Variants in XYLT1 observed in about 807,000 individuals in gnomAD.
XYLT1 encodes the protein xylosyltransferase 1, also known as beta-D-xylosyltransferase 1.
A neutral mutation model predicts 91.3 loss-of-function variants in XYLT1; 36 were observed. That is an observed-to-expected ratio of 0.39 (90% CI 0.30 to 0.52). The LOEUF (loss-of-function observed/expected upper bound fraction) is 0.52. Ranked by LOEUF, XYLT1 falls within the 20% of genes least tolerant of loss-of-function variation. The pLI is 0.68. For synonymous variants in XYLT1, 588 were observed against 532.0 expected (o/e 1.11, Z -1.45); for missense variants, 1,242 against 1,284.5 (o/e 0.97, Z 0.51).
chr16:17,427,321 CAG>C (rs1206314753), intron 1 of XYLT1, among the ~76,000 whole-genome samples: 12 of 152,378 alleles, frequency 7.9e-5, no homozygotes, highest in Admixed American at 5.2e-4. Context: ...TTTTCTGAGA[CAG>C]AGTCTGGCTC....
intron 1 of XYLT1, among the ~76,000 whole-genome samples, chr16:17,363,583 A>G (rs2035410749): frequency 6.6e-6 from 1 of 152,200 alleles, no homozygotes; most frequent in Non-Finnish European, 1.5e-5. Context: ...TCTGTGGCCC[A>G]GACTGCAGTG....
At chr16:17,385,459 G>A (rs1464952360) in intron 1 of XYLT1, among the ~76,000 whole-genome samples, 1 of 151,716 alleles carries the variant, frequency 6.6e-6, no homozygotes, top group Non-Finnish European at 1.5e-5. Context: ...CTACTTGTCT[G>A]TTTCTGGCAC....
intron 6 of XYLT1, among the ~76,000 whole-genome samples, chr16:17,157,101 C>G (rs1215723486): frequency 1.3e-5 from 2 of 152,042 alleles, no homozygotes; most frequent in Non-Finnish European, 2.9e-5. Flanking sequence ...GTGTGCACCA[C>G]CACACCCGGC....
chr16:17,322,422 G>A (rs974192952), intron 2 of XYLT1, among the ~76,000 whole-genome samples: 3 of 152,108 alleles, frequency 2.0e-5, no homozygotes, highest in East Asian at 3.9e-4. Flanking sequence ...ATCCTGGGAC[G>A]CTGAGACAGA....
intron 2 of XYLT1, among the ~76,000 whole-genome samples, chr16:17,281,943 T>A (rs1567354972): frequency 6.6e-6 from 1 of 152,134 alleles, no homozygotes; most frequent in Non-Finnish European, 1.5e-5. Context: ...GTCACTCCCC[T>A]CCCTTCTCTC....
chr16:17,150,882 G>A (rs2031265260), intron 6 of XYLT1, among the ~76,000 whole-genome samples: 1 of 152,174 alleles, frequency 6.6e-6, no homozygotes, highest in African/African-American at 2.4e-5. Flanking sequence ...AGCTCAAAGA[G>A]AAGGAATCAG....
intron 1 of XYLT1, among the ~76,000 whole-genome samples, chr16:17,368,086 G>A (rs990279977): frequency 3.7e-4 from 56 of 152,210 alleles, no homozygotes; most frequent in African/African-American, 9.6e-4. Flanking sequence ...GCAGTGCTTC[G>A]CGTCTGGAAT....
At chr16:17,400,680 T>TGGAAGGAAGG (rs1567189634) in intron 1 of XYLT1, among the ~76,000 whole-genome samples, 1 of 131,336 alleles carries the variant, frequency 7.6e-6, no homozygotes, top group Non-Finnish European at 1.6e-5. Context: ...AGGAAGGAAC[T>TGGAAGGAAGG]AACTAACTTG....
At chr16:17,268,129 T>C (rs1320387339) in intron 2 of XYLT1, among the ~76,000 whole-genome samples, 1 of 152,174 alleles carries the variant, frequency 6.6e-6, no homozygotes, top group East Asian at 1.9e-4. Flanking sequence ...AGTGGAGTTT[T>C]CCAGAAACTC....
At chr16:17,328,548 C>CAAAAAAAAAAAAAAAA (rs71373105) in intron 2 of XYLT1, among the ~76,000 whole-genome samples, 1 of 51,182 alleles carries the variant, frequency 2.0e-5, no homozygotes, top group African/African-American at 4.5e-5. Context: ...GACTCCTTCT[C>CAAAAAAAAAAAAAAAA]AAAAAAAAAA....
At chr16:17,464,674 A>G (rs1305253455) in intron 1 of XYLT1, among the ~76,000 whole-genome samples, 1 of 152,172 alleles carries the variant, frequency 6.6e-6, no homozygotes, top group African/African-American at 2.4e-5. Flanking sequence ...ATCCATTTTT[A>G]AAACCACCTA....
chr16:17,344,306 C>A (rs1221864063), intron 2 of XYLT1, among the ~76,000 whole-genome samples: 1 of 150,798 alleles, frequency 6.6e-6, no homozygotes, highest in Non-Finnish European at 1.5e-5. Flanking sequence ...CACGGTGAAA[C>A]CCCGTCTCTA....
At chr16:17,412,544 T>TG (rs1201300346) in intron 1 of XYLT1, among the ~76,000 whole-genome samples, 1 of 57,856 alleles carries the variant, frequency 1.7e-5, no homozygotes, top group Admixed American at 2.5e-4. Flanking sequence ...AAGGATTGGG[T>TG]GGGGGGAGGG....
intron 2 of XYLT1, among the ~76,000 whole-genome samples, chr16:17,355,855 A>G (rs1336402471): frequency 6.6e-6 from 1 of 152,082 alleles, no homozygotes; most frequent in Non-Finnish European, 1.5e-5. Context: ...GATTACAGGC[A>G]CATACTACCA....
intron 5 of XYLT1, among the ~76,000 whole-genome samples, chr16:17,164,444 T>C (rs545042071): frequency 6.6e-6 from 1 of 152,322 alleles, no homozygotes; most frequent in East Asian, 1.9e-4. Context: ...TTCACATTGT[T>C]GTGCAACCAT....
intron 2 of XYLT1, among the ~76,000 whole-genome samples, chr16:17,271,820 T>C (rs1032226665): frequency 6.6e-6 from 1 of 152,174 alleles, no homozygotes; most frequent in Non-Finnish European, 1.5e-5. Flanking sequence ...GCTCAAATCC[T>C]GTTCCCATTC....
At chr16:17,233,860 A>G (rs569823166) in intron 3 of XYLT1, among the ~76,000 whole-genome samples, 6 of 152,222 alleles carry the variant, frequency 3.9e-5, no homozygotes, top group African/African-American at 1.4e-4. Flanking sequence ...TATAAATACC[A>G]CCAGTGTATG....
intron 6 of XYLT1, among the ~76,000 whole-genome samples, chr16:17,148,921 G>A (rs1205035703): frequency 6.6e-6 from 1 of 152,234 alleles, no homozygotes; most frequent in East Asian, 1.9e-4. Flanking sequence ...TCTACCTGAG[G>A]TCAAATATGA....
intron 1 of XYLT1, among the ~76,000 whole-genome samples, chr16:17,366,728 C>T (rs1182127969): frequency 1.3e-5 from 2 of 152,086 alleles, no homozygotes; most frequent in African/African-American, 4.8e-5. Context: ...ACCAACCTTA[C>T]AAGAACTCCA....
Sources: gnomAD v4.1 joint callset for allele counts (sites outside exome capture counted in the v4.1 genomes callset) on GRCh38, gnomAD v4.1.1 for gene constraint, MANE v1.5 for transcripts, NCBI Gene and HGNC (gene_info 2026-07-23, HGNC 2026-07-21) for gene names.